The following KIF26B variants were observed in gnomAD, a reference collection of about 807,000 sequenced individuals.
KIF26B encodes kinesin family member 26B.
KIF26B carries 63 observed loss-of-function variants against 151.2 expected under a neutral mutation model. The observed-to-expected ratio is 0.42, with a 90% CI of 0.34 to 0.51. KIF26B has a LOEUF of 0.51. Among genes scored for constraint, KIF26B ranks in the 20% least tolerant of loss-of-function variants. KIF26B has a pLI of 0.07. For synonymous variants in KIF26B, 1,357 were observed against 1,262.1 expected (o/e 1.08, Z -1.59); for missense variants, 2,813 against 2,913.6 (o/e 0.97, Z 0.79).
chr1:245,561,246 G>A (rs2103116262), intron 5 of KIF26B, among the ~76,000 whole-genome samples: 1 of 152,334 alleles, frequency 6.6e-6, no homozygotes, highest in African/African-American at 2.4e-5. Context: ...CAAATCAACA[G>A]TAAGTAGGTG....
intron 5 of KIF26B, among the ~76,000 whole-genome samples, chr1:245,584,381 C>T (rs773429762): frequency 4.6e-5 from 7 of 152,146 alleles, no homozygotes; most frequent in Non-Finnish European, 8.8e-5. Context: ...AATGCAAGAA[C>T]GGCCTAATAC....
At chr1:245,592,055 G>T (rs1005424005) in intron 5 of KIF26B, among the ~76,000 whole-genome samples, 1 of 152,150 alleles carries the variant, frequency 6.6e-6, no homozygotes, top group African/African-American at 2.4e-5. Flanking sequence ...TCCCCGAAGC[G>T]CTTCTTAGAG....
chr1:245,162,062 C>T (rs1343658506), intron 2 of KIF26B, among the ~76,000 whole-genome samples: 1 of 152,216 alleles, frequency 6.6e-6, no homozygotes, highest in Non-Finnish European at 1.5e-5. Flanking sequence ...TGCCCGAGGG[C>T]CCCGTCCTGA....
Position 245,278,596 on chromosome 1 carries a change from G to T in KIF26B, c.466-88238G>T, listed in dbSNP as rs141480735. Among the ~76,000 whole-genome samples the T allele has an allele frequency of 5.9e-5, 9 of 152,246 alleles. No individual in the cohort carries two copies. The East Asian group carries it at 1.7e-3, about 30-fold the overall frequency. On this transcript the variant is annotated intron_variant, in intron 2 of 14. Transcript: ENST00000407071. Reference sequence around the variant, plus strand: ...CAGCATGCTTACTAAGTCTTAATTTGTTAGAAGGAAAGATGAAGATAAATA... The same window carrying T: ...CAGCATGCTTACTAAGTCTTAATTTTTTAGAAGGAAAGATGAAGATAAATA...
At chr1:245,390,167 T>C (rs819881) in intron 3 of KIF26B, among the ~76,000 whole-genome samples, 84,121 of 145,932 alleles carry the variant, frequency 0.58, 23,787 homozygotes, top group South Asian at 0.67. Flanking sequence ...TATTTGGATA[T>C]TTGGAGGGTT....
intron 10 of KIF26B, among the ~76,000 whole-genome samples, chr1:245,655,553 C>A (rs1259440400): frequency 1.3e-5 from 2 of 152,116 alleles, no homozygotes; most frequent in Non-Finnish European, 2.9e-5. Context: ...AGGCTCTGCA[C>A]GAAAGTGAAG....
chr1:245,341,795 TG>T (rs959645237), intron 2 of KIF26B, among the ~76,000 whole-genome samples: 25 of 152,318 alleles, frequency 1.6e-4, no homozygotes, highest in African/African-American at 6.0e-4. Flanking sequence ...CTAAGCAGGC[TG>T]GTGGGCAGGG....
intron 2 of KIF26B, among the ~76,000 whole-genome samples, chr1:245,268,397 G>T (rs1340769369): frequency 6.7e-6 from 1 of 149,714 alleles, no homozygotes; most frequent in East Asian, 2.0e-4. Flanking sequence ...TGAACCCAGG[G>T]GGCAGATGTT....
chr1:245,339,403 A>G (rs1005046691), intron 2 of KIF26B, among the ~76,000 whole-genome samples: 2 of 152,186 alleles, frequency 1.3e-5, no homozygotes, highest in African/African-American at 2.4e-5. Context: ...AGCTTTCACT[A>G]GTGCTCACTT....
At chr1:245,280,761 T>G (rs1196263728) in intron 2 of KIF26B, among the ~76,000 whole-genome samples, 1 of 104,964 alleles carries the variant, frequency 9.5e-6, no homozygotes, top group African/African-American at 3.8e-5. Flanking sequence ...CCCCTCCCCC[T>G]ACCCCACAAC....
chr1:245,699,176 G>C, intron 14 of KIF26B, 139 bp downstream of exon 14: 1 of 905,580 alleles, frequency 1.1e-6, no homozygotes, highest in Non-Finnish European at 1.7e-6. Flanking sequence ...GGAGGAAGTT[G>C]CACCGAGCGA....
chr1:245,679,369 G>A (rs1289471737), intron 10 of KIF26B, among the ~76,000 whole-genome samples: 2 of 143,104 alleles, frequency 1.4e-5, no homozygotes, highest in Non-Finnish European at 3.1e-5. Flanking sequence ...TGTTCTTTTT[G>A]TCCTTTTTCT....
At chr1:245,513,816 T>G (rs1190288229) in intron 4 of KIF26B, among the ~76,000 whole-genome samples, 1 of 152,208 alleles carries the variant, frequency 6.6e-6, no homozygotes, top group African/African-American at 2.4e-5. Flanking sequence ...AGCTCTCATT[T>G]TTGCCCTTTG....
chr1:245,686,142 C>A lies in KIF26B; in HGVS notation c.3159C>A (p.Cys1053Ter). The change falls in exon 12 of 15, where the codon TGC becomes TGA. Residue 1053 changes from cysteine to a stop codon, truncating the protein, a stop_gained. Coordinates refer to ENST00000407071, the MANE Select transcript of KIF26B (RefSeq NM_018012.4). LOFTEE classifies it high-confidence loss of function. This position sits in a 1 kb window ranked among gnomAD's most constrained non-coding sequence, Gnocchi z 5.6. The part of the protein sequence containing the change: ...LQSSRESLNS[C>*]GFVEGKPRPM... The stretch of plus-strand genomic sequence containing the variant: ...GCAGCCGGGAGAGCCTCAACTCCTG[C>A]GGCTTCGTGGAAGGCAAGCCCAGGC... 6.2e-7 allele frequency: 1 copy of A among 1,612,040 alleles called. No individual in the cohort carries two copies. The highest frequency in any genetic ancestry group is 8.5e-7 in the Non-Finnish European group (1 of 1,179,602).
In KIF26B at chr1:245,557,757, A is replaced by C. The variant is rs553614422; in HGVS notation, c.1350+16807A>C. 2.2e-4 allele frequency among the ~76,000 whole-genome samples: 34 copies of C among 152,174 alleles called. 1 individual carries two copies. The highest frequency in any genetic ancestry group is 4.4e-4 in the Non-Finnish European group (30 of 68,036). ...TAGGATTTAAACCTATAAGGGGAAG[A>C]AGCACAGGTGAGCTACAGTAATTTT... On this transcript the variant is annotated intron_variant, in intron 5 of 14. Coordinates refer to ENST00000407071, the MANE Select transcript of KIF26B (RefSeq NM_018012.4).
At chr1:245,198,250 G>A (rs575433319) in intron 2 of KIF26B, among the ~76,000 whole-genome samples, 2 of 152,316 alleles carry the variant, frequency 1.3e-5, no homozygotes, top group African/African-American at 4.8e-5. Flanking sequence ...GACAGCCTGA[G>A]TTCAAATTCC....
chr1:245,250,223 G>GCC (rs1371011304), intron 2 of KIF26B, among the ~76,000 whole-genome samples: 5 of 151,968 alleles, frequency 3.3e-5, no homozygotes, highest in African/African-American at 1.2e-4. Context: ...ACTTTTATGG[G>GCC]TACCTACATC....
At chr1:245,433,502 T>A (rs377220767) in intron 4 of KIF26B, among the ~76,000 whole-genome samples, 1 of 140,534 alleles carries the variant, frequency 7.1e-6, no homozygotes, top group Non-Finnish European at 1.6e-5. Context: ...GAAGAAGAAG[T>A]AAGAAGTTAT....
At chr1:245,169,328 G>GGTGTGTGGGGGTGTGTGT (rs56332945) in intron 2 of KIF26B, among the ~76,000 whole-genome samples, 32 of 134,174 alleles carry the variant, frequency 2.4e-4, no homozygotes, top group Admixed American at 6.0e-4. Flanking sequence ...AACGGGCCAT[G>GGTGTGTGGGGGTGTGTGT]GTGTGTGTGT....
Sources: allele counts gnomAD v4.1 joint callset (sites outside exome capture counted in the v4.1 genomes callset), GRCh38; gene constraint gnomAD v4.1.1; non-coding constraint Gnocchi (gnomAD v3.1); transcripts MANE v1.5; gene names NCBI Gene and HGNC (gene_info 2026-07-23, HGNC 2026-07-21).